The following ZNF516 variants were observed in gnomAD, a reference collection of about 807,000 sequenced individuals.
The protein encoded by ZNF516 is zinc finger protein 516.
Under a neutral mutation model 79.7 loss-of-function variants are expected in ZNF516, and 19 were observed. That is an observed-to-expected ratio of 0.24 (90% CI 0.17 to 0.35). The LOEUF is 0.35. Among genes scored for constraint, ZNF516 ranks in the 10% least tolerant of loss-of-function variants. The pLI is 1.00. For missense variants in ZNF516, 1,678 were observed against 1,679.5 expected (o/e 1.00, Z 0.02); for synonymous variants, 877 against 739.5 (o/e 1.19, Z -3.02).
At chr18:76,426,531 CT>C (rs34904189) in intron 3 of ZNF516, among the ~76,000 whole-genome samples, 20 of 151,694 alleles carry the variant, frequency 1.3e-4, no homozygotes, top group African/African-American at 3.4e-4. Flanking sequence ...CATACATAAA[CT>C]TTTTTTTTAA....
chr18:76,470,927 AAAAAAG>A (rs1913796225), intron 1 of ZNF516, among the ~76,000 whole-genome samples: 1 of 152,090 alleles, frequency 6.6e-6, no homozygotes, highest in Non-Finnish European at 1.5e-5. Context: ...TGAGAAAAAG[AAAAAAG>A]AAAAACAGTT....
At chr18:76,473,793 T>A (rs1914006023) in intron 1 of ZNF516, among the ~76,000 whole-genome samples, 1 of 145,036 alleles carries the variant, frequency 6.9e-6, no homozygotes, top group African/African-American at 2.6e-5. Flanking sequence ...AGGGTGAGAC[T>A]CCATCTCCAA....
rs368906123 is a variant in ZNF516, at chr18:76,358,007, G to A, written c.*4491C>T. On this transcript the variant is annotated 3_prime_UTR_variant, in exon 7 of 7. Transcript: ENST00000443185. ...CAAAAGAGTTGGAAAAAAACCACTC[G>A]GGCCATCTGGGCATCTGTTCAGATG... is the stretch of plus-strand genomic sequence containing the variant. Among the ~76,000 whole-genome samples, 22 of 152,232 alleles carry A rather than the reference G, an allele frequency of 1.4e-4. No individual in the cohort carries two copies. Among genetic ancestry groups the A allele is most frequent in the Admixed American group, 9.8e-4 (15 of 15,300 alleles).
At chr18:76,481,628 G>A (rs76154058) in intron 1 of ZNF516, among the ~76,000 whole-genome samples, 23,641 of 152,146 alleles carry the variant, frequency 0.16, 2,280 homozygotes, top group South Asian at 0.34. Flanking sequence ...AAAGGGGATG[G>A]GAATTACTGC....
At chr18:76,473,095 C>T (rs564037596) in intron 1 of ZNF516, among the ~76,000 whole-genome samples, 2 of 152,010 alleles carry the variant, frequency 1.3e-5, no homozygotes, top group Middle Eastern at 3.2e-3. Context: ...TTATAAATAC[C>T]GCCACTAGTG....
chr18:76,366,203 C>A (rs1328541937), intron 6 of ZNF516, among the ~76,000 whole-genome samples: 1 of 152,202 alleles, frequency 6.6e-6, no homozygotes, highest in African/African-American at 2.4e-5. Context: ...TGAATTTAAT[C>A]AATTTCAGCA....
chr18:76,445,167 G>C (rs1346447417), intron 2 of ZNF516, among the ~76,000 whole-genome samples: 1 of 151,748 alleles, frequency 6.6e-6, no homozygotes. Context: ...TGAGGCAGGA[G>C]CATCGCTTGA....
Position 76,381,097 on chromosome 18 carries a change from G to A in ZNF516, c.1811-794C>T, listed in dbSNP as rs897995282. On this transcript the variant is annotated intron_variant, in intron 3 of 6. Coordinates refer to ENST00000443185, the MANE Select transcript of ZNF516 (RefSeq NM_014643.4). ...AGCCACAGTCTGGGATGAACTCTGC[G>A]GTGGGGAGGGATGGTGTGGTCAGAA... is the stretch of plus-strand genomic sequence containing the variant. 3.2e-4 allele frequency among the ~76,000 whole-genome samples: 48 copies of A among 152,224 alleles called. 1 individual carries two copies. The highest frequency in any genetic ancestry group is 6.8e-4 in the African/African-American group (28 of 41,468).
intron 1 of ZNF516, among the ~76,000 whole-genome samples, chr18:76,468,646 C>T (rs1056001690): frequency 1.3e-5 from 2 of 152,064 alleles, no homozygotes; most frequent in Non-Finnish European, 2.9e-5. Flanking sequence ...TCTCAAACTC[C>T]TGAGCTCAAG....
chr18:76,376,300 G>A (rs971056660), intron 4 of ZNF516, among the ~76,000 whole-genome samples: 2 of 152,078 alleles, frequency 1.3e-5, no homozygotes, highest in East Asian at 3.9e-4. Context: ...CTCTATACCC[G>A]GGAAGCCAGG....
intron 4 of ZNF516, among the ~76,000 whole-genome samples, chr18:76,373,224 GGA>G (rs911992476): frequency 5.3e-5 from 8 of 151,220 alleles, no homozygotes; most frequent in African/African-American, 1.9e-4. Context: ...GAAGAAAAGA[GGA>G]GAGAGGAGGG....
Position 76,360,175 on chromosome 18 carries a change from G to C in ZNF516, c.*2323C>G, listed in dbSNP as rs1464943150. On this transcript the variant is annotated 3_prime_UTR_variant, in exon 7 of 7. Transcript: ENST00000443185. Reference sequence around the variant, plus strand: ...AGCCCACTCCCCACCAGAGCCTCCAGGATGGAGCCTCACCAGCAAGACACT... The same window carrying C: ...AGCCCACTCCCCACCAGAGCCTCCACGATGGAGCCTCACCAGCAAGACACT... The C allele has an allele frequency of 6.6e-6, 1 of 152,366 alleles. No homozygotes were observed. Among genetic ancestry groups the C allele is most frequent in the African/African-American group, 2.4e-5 (1 of 41,464 alleles). The allele number at this position is 152,366 out of a possible 1,614,324, so 9.4% of individuals were successfully genotyped here.
intron 3 of ZNF516, among the ~76,000 whole-genome samples, chr18:76,396,892 C>G (rs907349532): frequency 6.6e-6 from 1 of 152,154 alleles, no homozygotes; most frequent in Non-Finnish European, 1.5e-5. Flanking sequence ...TCCACGGGGG[C>G]TTTTCCATGA....
At position 76,358,066 on chromosome 18, in the gene ZNF516, T is replaced by C. The variant is rs2074481320; in HGVS notation, c.*4432A>G. On this transcript the variant is annotated 3_prime_UTR_variant, in exon 7 of 7. Transcript: ENST00000443185. ...TGTGAATTACCCTAAAACTCTTCCA[T>C]AAATAAAGAGCATTAACACTTTGGT... 1 of 152,204 alleles carries C rather than the reference T, an allele frequency of 6.6e-6. No individual in the cohort carries two copies. The highest frequency in any genetic ancestry group is 6.5e-5 in the Admixed American group (1 of 15,284). The allele number at this position is 152,204 out of a possible 1,614,324, so 9.4% of individuals were successfully genotyped here. A position where few individuals can be genotyped will look rare whatever the true frequency, so the allele number is the denominator to read the frequency against.
At chr18:76,426,070 C>T (rs530432519) in intron 3 of ZNF516, among the ~76,000 whole-genome samples, 190 of 152,338 alleles carry the variant, frequency 1.2e-3, no homozygotes, top group Non-Finnish European at 2.1e-3. Context: ...TAGAAAATGC[C>T]AGCAGTCACT....
chr18:76,491,380 C>T (rs1915193989), intron 1 of ZNF516, among the ~76,000 whole-genome samples: 2 of 137,444 alleles, frequency 1.5e-5, no homozygotes, highest in Non-Finnish European at 3.2e-5. Context: ...TCCTCCGGGC[C>T]TCGCTCCCGC....
intron 4 of ZNF516, among the ~76,000 whole-genome samples, chr18:76,376,607 C>T (rs1171509630): frequency 6.6e-6 from 1 of 151,504 alleles, no homozygotes; most frequent in Non-Finnish European, 1.5e-5. Context: ...ATACTTCAGA[C>T]TATTTTGGAC....
At chr18:76,449,654 C>G in intron 2 of ZNF516, among the ~76,000 whole-genome samples, 1 of 152,176 alleles carries the variant, frequency 6.6e-6, no homozygotes, top group East Asian at 1.9e-4. Context: ...TAAATTAATG[C>G]ATACAAGCCA....
intron 2 of ZNF516, among the ~76,000 whole-genome samples, chr18:76,454,963 T>TA (rs1250380946): frequency 2.1e-4 from 32 of 152,120 alleles, no homozygotes; most frequent in African/African-American, 7.2e-4. Context: ...AAAAATAAAT[T>TA]TAAAACGTAA....
Sources: gnomAD v4.1 joint callset for allele counts (sites outside exome capture counted in the v4.1 genomes callset) on GRCh38, gnomAD v4.1.1 for gene constraint, MANE v1.5 for transcripts, NCBI Gene and HGNC (gene_info 2026-07-23, HGNC 2026-07-21) for gene names.